Variants in CCDC71L observed in about 807,000 individuals in gnomAD.
The protein encoded by CCDC71L is coiled-coil domain-containing protein 71L.
Under a neutral mutation model 10.2 loss-of-function variants are expected in CCDC71L, and 6 were observed. The observed-to-expected ratio is 0.59, with a 90% CI of 0.32 to 1.16. CCDC71L has a LOEUF of 1.16. Ranked by LOEUF, CCDC71L falls within the 50% of genes most tolerant of loss-of-function variation. The pLI, the probability that CCDC71L is intolerant of heterozygous loss-of-function variation, is 0.05. For missense variants in CCDC71L, 366 were observed against 383.4 expected (o/e 0.95, Z 0.38); for synonymous variants, 204 against 175.5 (o/e 1.16, Z -1.28).
Position 106,660,054 on chromosome 7 carries a change from C to T in CCDC71L, c.*135G>A. The T allele has an allele frequency of 8.1e-7, 1 of 1,230,912 alleles. No individual in the cohort carries two copies. The highest frequency in any genetic ancestry group is 1.1e-6 in the Non-Finnish European group (1 of 945,052). The allele number at this position is 1,230,912 out of a possible 1,614,324, so 76.2% of individuals were successfully genotyped here. Reference sequence around the variant, plus strand: ...GACAGGGACAACCATCCGGCAACTTCTTCGCGCGTAAAGTGCATTGGGGGC... The same window carrying T: ...GACAGGGACAACCATCCGGCAACTTTTTCGCGCGTAAAGTGCATTGGGGGC... On this transcript the variant is annotated 3_prime_UTR_variant, in exon 1 of 1. Transcript: ENST00000523505. The surrounding 1 kb of genome is among the most constrained non-coding windows in gnomAD (Gnocchi z 7.5).
chr7:106,656,977 C>T lies in CCDC71L; in HGVS notation c.*3212G>A, dbSNP rs1792501969. 6.6e-6 allele frequency: 1 copy of T among 152,140 alleles called. No individual in the cohort carries two copies. The highest frequency in any genetic ancestry group is 2.4e-5 in the African/African-American group (1 of 41,426). The allele number at this position is 152,140 out of a possible 1,614,324, so 9.4% of individuals were successfully genotyped here. Reference sequence around the variant, plus strand: ...ATTAGGCATGTATGTCCATTAAAAACCATTAAAGAGTCCTGTGGCAATCCT... The same window carrying T: ...ATTAGGCATGTATGTCCATTAAAAATCATTAAAGAGTCCTGTGGCAATCCT... On this transcript the variant is annotated 3_prime_UTR_variant, in exon 1 of 1. Transcript: ENST00000523505.
At position 106,661,016 on chromosome 7, in the gene CCDC71L, C is replaced by T. The variant is rs1169907005; in HGVS notation, c.-120G>A. On this transcript the variant is annotated 5_prime_UTR_variant, in exon 1 of 1. Transcript: ENST00000523505. ...CGTCTCTCGCTACTTTTCTCGCCTC[C>T]GCCGCCGCCCCTCCCCCTCCGAGGG... The T allele has an allele frequency of 2.5e-5, 31 of 1,261,840 alleles. No homozygotes were observed. The highest frequency in any genetic ancestry group is 7.8e-5 in the African/African-American group (5 of 63,754). The allele number at this position is 1,261,840 out of a possible 1,614,324, so 78.2% of individuals were successfully genotyped here.
chr7:106,660,742 C>A lies in CCDC71L; in HGVS notation c.155G>T (p.Ser52Ile). ...YSRSQLSLAD[S>I]TKALGDAFKL... is the part of the protein sequence containing the mutation. ...GAAGGCGTCGCCCAGCGCCTTGGTG[C>A]TGTCAGCCAGCGACAGTTGCGACCG... The change falls in exon 1 of 1, where the codon AGC (serine) becomes ATC (isoleucine). Residue 52 changes from serine (S) to isoleucine (I), a missense_variant. Transcript: ENST00000523505. This position sits in a 1 kb window ranked among gnomAD's most constrained non-coding sequence, Gnocchi z 7.5. 3 of 1,568,692 alleles carry A rather than the reference C, an allele frequency of 1.9e-6. No homozygotes were observed. The highest frequency in any genetic ancestry group is 2.6e-6 in the Non-Finnish European group (3 of 1,156,872).
chr7:106,660,934 C>A lies in CCDC71L; in HGVS notation c.-38G>T. On this transcript the variant is annotated 5_prime_UTR_variant, in exon 1 of 1. Transcript: ENST00000523505. This position sits in a 1 kb window ranked among gnomAD's most constrained non-coding sequence, Gnocchi z 7.5. Reference sequence around the variant, plus strand: ...CGGGCCACTCACGCTCGCCGGGTCCCACTACTGCCGCCGCCGTCCCAGTCC... The same window carrying A: ...CGGGCCACTCACGCTCGCCGGGTCCAACTACTGCCGCCGCCGTCCCAGTCC... 2 of 1,320,420 alleles carry A rather than the reference C, an allele frequency of 1.5e-6. No individual in the cohort carries two copies. The highest frequency in any genetic ancestry group is 1.9e-6 in the Non-Finnish European group (2 of 1,037,040). 81.8% of individuals were successfully genotyped at this position (1,320,420 alleles called of 1,614,324 possible). A position where few individuals can be genotyped will look rare whatever the true frequency, so the allele number is the denominator to read the frequency against.
rs1201563920 is a variant in CCDC71L, at chr7:106,655,151, A to T, written c.*5038T>A. 6.6e-6 allele frequency among the ~76,000 whole-genome samples: 1 copy of T among 152,164 alleles called. No individual in the cohort carries two copies. The highest frequency in any genetic ancestry group is 1.5e-5 in the Non-Finnish European group (1 of 67,982). ...TTTAGAATGACATTTACCAAGACAC[A>T]AGAGAGTGATGACAGTGAGAAGTCA... On this transcript the variant is annotated 3_prime_UTR_variant, in exon 1 of 1. Coordinates refer to ENST00000523505, the MANE Select transcript of CCDC71L (RefSeq NM_175884.6).
rs1395604632 is a variant in CCDC71L at position 106,660,470 on chromosome 7, G to T, written c.427C>A (p.Arg143Ser). Residue 143 changes from arginine (R) to serine (S), a missense_variant, in exon 1 of 1, where the codon CGC (arginine) becomes AGC (serine). Arg to Ser is a moderately radical substitution (Grantham distance 110, BLOSUM62 -1). Transcript: ENST00000523505. This position sits in a 1 kb window ranked among gnomAD's most constrained non-coding sequence, Gnocchi z 7.5. ...RRRGARAAAA[R>S]RRKPRPPPPP... ...GGTGGCGGCCGGGGCTTCCTCCTGCGGGCAGCGGCCGCCCGGGCTCCGCGG... is the reference window on the plus strand; with the variant it reads ...GGTGGCGGCCGGGGCTTCCTCCTGCTGGCAGCGGCCGCCCGGGCTCCGCGG... The T allele has an allele frequency of 4.9e-6, 6 of 1,225,620 alleles. No individual in the cohort carries two copies. The Admixed American group carries it at 2.2e-4, about 44-fold the overall frequency. 75.9% of individuals were successfully genotyped at this position (1,225,620 alleles called of 1,614,324 possible). A position where few individuals can be genotyped will look rare whatever the true frequency, so the allele number is the denominator to read the frequency against.
chr7:106,659,106 T>C lies in CCDC71L; in HGVS notation c.*1083A>G, dbSNP rs990889006. 9.9e-5 allele frequency: 15 copies of C among 152,140 alleles called. No homozygotes were observed. Among genetic ancestry groups the C allele is most frequent in the Non-Finnish European group, 1.6e-4 (11 of 68,008 alleles). The allele number at this position is 152,140 out of a possible 1,614,324, so 9.4% of individuals were successfully genotyped here. ...TAATAGTTCTAAGAATTCTAATGGG[T>C]ATTCTGTTTATCATTTTAGTGATAA... On this transcript the variant is annotated 3_prime_UTR_variant, in exon 1 of 1. Transcript: ENST00000523505.
rs981139676 is a variant in CCDC71L, at chr7:106,658,349, T to TTA, written c.*1838_*1839dup. ...GGCTTACTAGAAAACTGGCATCAAG[T>TTA]TATATATATGTGTGTATATATATAT... is the stretch of plus-strand genomic sequence containing the variant. On this transcript the variant is annotated 3_prime_UTR_variant, in exon 1 of 1. Coordinates refer to ENST00000523505, the MANE Select transcript of CCDC71L (RefSeq NM_175884.6). The TTA allele has an allele frequency of 7.2e-5, 11 of 152,194 alleles. No homozygotes were observed. Among genetic ancestry groups the TTA allele is most frequent in the Admixed American group, 7.2e-4 (11 of 15,280 alleles). 9.4% of individuals were successfully genotyped at this position (152,194 alleles called of 1,614,324 possible). A position where few individuals can be genotyped will look rare whatever the true frequency, so the allele number is the denominator to read the frequency against.
rs1399493146 is a variant in CCDC71L, at chr7:106,659,423, A to G, written c.*766T>C. ...TTAACAAGTTAACTTTTCCTAAACA[A>G]AAGTTTTCATGTGTATTCTACCATT... is the stretch of plus-strand genomic sequence containing the variant. On this transcript the variant is annotated 3_prime_UTR_variant, in exon 1 of 1. Transcript: ENST00000523505. The G allele has an allele frequency of 2.6e-5, 4 of 152,300 alleles. No homozygotes were observed. The South Asian group carries it at 6.2e-4, about 24-fold the overall frequency. 9.4% of individuals were successfully genotyped at this position (152,300 alleles called of 1,614,324 possible). A position where few individuals can be genotyped will look rare whatever the true frequency, so the allele number is the denominator to read the frequency against.
chr7:106,658,796 G>A lies in CCDC71L; in HGVS notation c.*1393C>T, dbSNP rs950732500. 6.6e-6 allele frequency: 1 copy of A among 152,584 alleles called. No homozygotes were observed. Among genetic ancestry groups the A allele is most frequent in the Non-Finnish European group, 1.5e-5 (1 of 68,028 alleles). 9.5% of individuals were successfully genotyped at this position (152,584 alleles called of 1,614,324 possible). ...ATAAACACTATAAAAGCGTAAAGAA[G>A]GGTCAGTATTCTGTGTGTCTCGCCT... On this transcript the variant is annotated 3_prime_UTR_variant, in exon 1 of 1. Coordinates refer to ENST00000523505, the MANE Select transcript of CCDC71L (RefSeq NM_175884.6).
chr7:106,660,304 C>T lies in CCDC71L; in HGVS notation c.593G>A (p.Ser198Asn). The change falls in exon 1 of 1, where the codon AGC becomes AAC. Residue 198 changes from serine (S) to asparagine (N), a missense_variant. Physicochemically the swap from Ser to Asn is conservative, Grantham distance 46. Transcript: ENST00000523505. This position sits in a 1 kb window ranked among gnomAD's most constrained non-coding sequence, Gnocchi z 7.5. ...LTTFPTIRVG[S>N]DVWGERSLAA... is the part of the protein sequence containing the mutation. The stretch of plus-strand genomic sequence containing the variant: ...CAGGCTGCGCTCGCCCCACACGTCG[C>T]TGCCGACGCGGATGGTGGGGAAGGT... 6.5e-7 allele frequency: 1 copy of T among 1,546,298 alleles called. No individual in the cohort carries two copies. Among genetic ancestry groups the T allele is most frequent in the South Asian group, 1.2e-5 (1 of 86,254 alleles).
rs940411689 is a variant in CCDC71L, at chr7:106,657,993, T to C, written c.*2196A>G. 2.6e-5 allele frequency: 4 copies of C among 152,226 alleles called. No homozygotes were observed. Among genetic ancestry groups the C allele is most frequent in the African/African-American group, 9.6e-5 (4 of 41,456 alleles). The allele number at this position is 152,226 out of a possible 1,614,324, so 9.4% of individuals were successfully genotyped here. ...TTTCAAAATCCTCTGGAAAACTATC[T>C]AGATAAGCTGTATGTCGAAATTGCA... is the stretch of plus-strand genomic sequence containing the variant. On this transcript the variant is annotated 3_prime_UTR_variant, in exon 1 of 1. Coordinates refer to ENST00000523505, the MANE Select transcript of CCDC71L (RefSeq NM_175884.6).
chr7:106,657,416 C>G lies in CCDC71L; in HGVS notation c.*2773G>C, dbSNP rs576082629. ...ATGAATTTCCTCCTGGCTTCCCCCT[C>G]TACTTGTGCCATATGAGATAAAAGA... On this transcript the variant is annotated 3_prime_UTR_variant, in exon 1 of 1. Coordinates refer to ENST00000523505, the MANE Select transcript of CCDC71L (RefSeq NM_175884.6). 1 of 152,266 alleles carries G rather than the reference C, an allele frequency of 6.6e-6. No homozygotes were observed. The highest frequency in any genetic ancestry group is 1.5e-5 in the Non-Finnish European group (1 of 68,010). The allele number at this position is 152,266 out of a possible 1,614,324, so 9.4% of individuals were successfully genotyped here.
At position 106,654,953 on chromosome 7, in the gene CCDC71L, G is replaced by A. The variant is rs1022028128; in HGVS notation, c.*5236C>T. 2.6e-5 allele frequency among the ~76,000 whole-genome samples: 4 copies of A among 151,856 alleles called. No individual in the cohort carries two copies. The highest frequency in any genetic ancestry group is 5.9e-5 in the Non-Finnish European group (4 of 67,970). The stretch of plus-strand genomic sequence containing the variant: ...ATTTTACAGTTAATTGTACTACTTG[G>A]AAGAATCTCAATTTAACTTTTCTAT... On this transcript the variant is annotated 3_prime_UTR_variant, in exon 1 of 1. Coordinates refer to ENST00000523505, the MANE Select transcript of CCDC71L (RefSeq NM_175884.6).
chr7:106,660,946 C>A lies in CCDC71L; in HGVS notation c.-50G>T. 7.6e-7 allele frequency: 1 copy of A among 1,307,994 alleles called. No homozygotes were observed. Among genetic ancestry groups the A allele is most frequent in the Non-Finnish European group, 9.7e-7 (1 of 1,029,998 alleles). The allele number at this position is 1,307,994 out of a possible 1,614,324, so 81.0% of individuals were successfully genotyped here. A position where few individuals can be genotyped will look rare whatever the true frequency, so the allele number is the denominator to read the frequency against. On this transcript the variant is annotated 5_prime_UTR_variant, in exon 1 of 1. Transcript: ENST00000523505. This position sits in a 1 kb window ranked among gnomAD's most constrained non-coding sequence, Gnocchi z 7.5. ...GCTCGCCGGGTCCCACTACTGCCGC[C>A]GCCGTCCCAGTCCGCGTTGGCTCCG...
chr7:106,660,457 G>T lies in CCDC71L; in HGVS notation c.440C>A (p.Pro147His). ...ARAAAARRRK[P>H]RPPPPPPPPP... ...CGGCGGCGGTGGGGGTGGCGGCCGGGGCTTCCTCCTGCGGGCAGCGGCCGC... is the reference window on the plus strand; with the variant it reads ...CGGCGGCGGTGGGGGTGGCGGCCGGTGCTTCCTCCTGCGGGCAGCGGCCGC... Residue 147 changes from proline to histidine, a missense_variant, in exon 1 of 1, where the codon CCC (proline) becomes CAC (histidine). Physicochemically the swap from Pro to His is moderately conservative, Grantham distance 77 (BLOSUM62 -2). Coordinates refer to ENST00000523505, the MANE Select transcript of CCDC71L (RefSeq NM_175884.6). This position sits in a 1 kb window ranked among gnomAD's most constrained non-coding sequence, Gnocchi z 7.5. 1.6e-6 allele frequency: 2 copies of T among 1,227,600 alleles called. No homozygotes were observed. Among genetic ancestry groups the T allele is most frequent in the Non-Finnish European group, 1.0e-6 (1 of 986,168 alleles). The allele number at this position is 1,227,600 out of a possible 1,614,324, so 76.0% of individuals were successfully genotyped here.
At position 106,657,042 on chromosome 7, in the gene CCDC71L, T is replaced by G. The variant is rs983911209; in HGVS notation, c.*3147A>C. On this transcript the variant is annotated 3_prime_UTR_variant, in exon 1 of 1. Coordinates refer to ENST00000523505, the MANE Select transcript of CCDC71L (RefSeq NM_175884.6). ...ACTTTTGAGTTCAAAATTGCTCAGA[T>G]ATTTTGTATTCAAATATTTTTAAAA... The G allele has an allele frequency of 2.6e-4, 39 of 152,246 alleles. No homozygotes were observed. The highest frequency in any genetic ancestry group is 8.9e-4 in the African/African-American group (37 of 41,466). The allele number at this position is 152,246 out of a possible 1,614,324, so 9.4% of individuals were successfully genotyped here.
At position 106,660,017 on chromosome 7, in the gene CCDC71L, G is replaced by A; in HGVS notation, c.*172C>T. 2.1e-6 allele frequency: 2 copies of A among 936,242 alleles called. No individual in the cohort carries two copies. The highest frequency in any genetic ancestry group is 3.0e-6 in the Non-Finnish European group (2 of 676,118). The allele number at this position is 936,242 out of a possible 1,614,324, so 58.0% of individuals were successfully genotyped here. A position where few individuals can be genotyped will look rare whatever the true frequency, so the allele number is the denominator to read the frequency against. On this transcript the variant is annotated 3_prime_UTR_variant, in exon 1 of 1. Transcript: ENST00000523505. The surrounding 1 kb of genome is among the most constrained non-coding windows in gnomAD (Gnocchi z 7.5). ...CTGCCCCAGCGTCCAAGACGACCGC[G>A]CCGCGGCCCGGGACAGGGACAACCA...
Position 106,655,553 on chromosome 7 carries a change from C to T in CCDC71L, c.*4636G>A, listed in dbSNP as rs914158783. On this transcript the variant is annotated 3_prime_UTR_variant, in exon 1 of 1. Transcript: ENST00000523505. ...ATAAATTAACATCATTTATAAGCAA[C>T]ACTTACTGAGCTTACTCTAAGCAAA... Among the ~76,000 whole-genome samples the T allele has an allele frequency of 2.0e-5, 3 of 152,110 alleles. No individual in the cohort carries two copies. Among genetic ancestry groups the T allele is most frequent in the Admixed American group, 2.0e-4 (3 of 15,276 alleles).
Sources: allele counts gnomAD v4.1 joint callset (sites outside exome capture counted in the v4.1 genomes callset), GRCh38; gene constraint gnomAD v4.1.1; non-coding constraint Gnocchi (gnomAD v3.1); transcripts MANE v1.5; gene names NCBI Gene and HGNC (gene_info 2026-07-23, HGNC 2026-07-21).